The following CFAP61 variants were observed in gnomAD, a reference collection of about 807,000 sequenced individuals.
CFAP61 encodes cilia- and flagella-associated protein 61.
CFAP61 carries 107 observed loss-of-function variants against 135.6 expected under a neutral mutation model. The observed-to-expected ratio is 0.79, with a 90% CI of 0.67 to 0.93. CFAP61 has a LOEUF of 0.93. CFAP61 is among the 40% of genes least tolerant of loss of function. The pLI is 0.00. For synonymous variants in CFAP61, 575 were observed against 578.5 expected (o/e 0.99, Z 0.09); for missense variants, 1,507 against 1,556.2 (o/e 0.97, Z 0.53).
At chr20:20,273,060 T>C (rs967223711) in intron 21 of CFAP61, among the ~76,000 whole-genome samples, 2 of 151,022 alleles carry the variant, frequency 1.3e-5, no homozygotes, top group Admixed American at 6.6e-5. Context: ...TTTTTTTTTT[T>C]TGTAGAGACA....
rs113192167 is a variant in CFAP61 at position 20,263,026 on chromosome 20, G to A, written c.2399G>A (p.Arg800Gln). The A allele has an allele frequency of 4.4e-5, 71 of 1,613,940 alleles. No individual in the cohort carries two copies. The highest frequency in any genetic ancestry group is 1.6e-4 in the African/African-American group (12 of 74,998). The stretch of plus-strand genomic sequence containing the variant: ...AGGGAGGTTCCCAACAGCAGTCAGC[G>A]GCGGTACACGGGGAAAGTTCCTTGC... The part of the protein sequence containing the change: ...TNREVPNSSQ[R>Q]RYTGKVPCNH... The change falls in exon 21 of 27, where the codon CGG (arginine) becomes CAG (glutamine). Residue 800 changes from arginine to glutamine, a missense_variant. Transcript: ENST00000245957.
intron 18 of CFAP61, among the ~76,000 whole-genome samples, chr20:20,238,728 A>G (rs1041684958): frequency 2.0e-5 from 3 of 152,224 alleles, no homozygotes; most frequent in Admixed American, 1.3e-4. Flanking sequence ...TTTGAAGGAT[A>G]AGGATGTTTA....
chr20:20,267,803 C>G (rs890095964), intron 21 of CFAP61: 5 of 152,290 alleles, frequency 3.3e-5, no homozygotes, highest in Non-Finnish European at 7.3e-5. Flanking sequence ...CAAGGCAAGC[C>G]GGCTACTTGA....
chr20:20,099,175 T>C (rs572418926), intron 8 of CFAP61, among the ~76,000 whole-genome samples: 1 of 151,044 alleles, frequency 6.6e-6, no homozygotes, highest in African/African-American at 2.4e-5. Flanking sequence ...AACAAGTGAA[T>C]TTTTCAAATC....
At chr20:20,177,258 C>T (rs2146840913) in intron 13 of CFAP61, among the ~76,000 whole-genome samples, 1 of 152,066 alleles carries the variant, frequency 6.6e-6, no homozygotes, top group African/African-American at 2.4e-5. Context: ...TTTTCTAAAA[C>T]CATTTTTTGC....
chr20:20,183,346 G>C lies in CFAP61; in HGVS notation c.1386-4584G>C, dbSNP rs547712687. 2.0e-5 allele frequency among the ~76,000 whole-genome samples: 3 copies of C among 152,204 alleles called. No homozygotes were observed. The East Asian group carries it at 5.8e-4, about 29-fold the overall frequency. On this transcript the variant is annotated intron_variant, in intron 13 of 26. Transcript: ENST00000245957. ...ACGGCTAATTTTTGTATTTTTAGTA[G>C]AGATGGAGTTTCACCATGTCAGCTG...
intron 26 of CFAP61, among the ~76,000 whole-genome samples, chr20:20,345,140 A>G (rs2058583735): frequency 6.6e-6 from 1 of 152,242 alleles, no homozygotes; most frequent in South Asian, 2.1e-4. Flanking sequence ...GGGATGATTA[A>G]TGGGTACAAA....
intron 10 of CFAP61, among the ~76,000 whole-genome samples, chr20:20,162,063 T>TA (rs2053448443): frequency 6.6e-6 from 1 of 152,140 alleles, no homozygotes; most frequent in African/African-American, 2.4e-5. Context: ...CTGGAGACTC[T>TA]AGGGGAGAAT....
chr20:20,160,962 A>G (rs2053348818), intron 10 of CFAP61, among the ~76,000 whole-genome samples: 1 of 152,150 alleles, frequency 6.6e-6, no homozygotes, highest in South Asian at 2.1e-4. Flanking sequence ...TTGATTCACC[A>G]TAGTCACCCA....
intron 8 of CFAP61, among the ~76,000 whole-genome samples, chr20:20,109,541 GACTT>G (rs1341455975): frequency 1.3e-5 from 2 of 152,098 alleles, no homozygotes; most frequent in Non-Finnish European, 1.5e-5. Flanking sequence ...GATGGCTCCT[GACTT>G]ACTTTGTAGC....
chr20:20,121,456 A>G (rs1453849878), intron 8 of CFAP61, among the ~76,000 whole-genome samples: 4 of 151,618 alleles, frequency 2.6e-5, no homozygotes, highest in African/African-American at 9.7e-5. Context: ...ATTCATTGTT[A>G]TTAATGATAA....
chr20:20,211,260 G>A (rs1013334242), intron 17 of CFAP61, among the ~76,000 whole-genome samples: 1 of 152,228 alleles, frequency 6.6e-6, no homozygotes, highest in Non-Finnish European at 1.5e-5. Context: ...GCTGCCCCAC[G>A]TGGCCTTGGT....
rs528627025 is a variant in CFAP61, at chr20:20,271,974, G to A, written c.2504-5192G>A. ...TATGTGTCTAGAAACTTCAAAAACA[G>A]TGTATGTGATATTCCGGTAATGTGA... On this transcript the variant is annotated intron_variant, in intron 21 of 26. Transcript: ENST00000245957. 3.3e-5 allele frequency among the ~76,000 whole-genome samples: 5 copies of A among 152,286 alleles called. No individual in the cohort carries two copies. The South Asian group carries it at 1.0e-3, about 32-fold the overall frequency.
At position 20,228,461 on chromosome 20, in the gene CFAP61, C is replaced by G. The variant is rs1601513836; in HGVS notation, c.2060+85C>G. 3.4e-6 allele frequency: 4 copies of G among 1,187,236 alleles called. No individual in the cohort carries two copies. The African/African-American group carries it at 4.5e-5, about 13-fold the overall frequency. The allele number at this position is 1,187,236 out of a possible 1,614,324, so 73.5% of individuals were successfully genotyped here. ...ATCTGAAGAGAACACCATCAGAGAA[C>G]AGACCTGAGATTGTTTGGTACTCCA... On this transcript the variant is annotated intron_variant, in intron 18 of 26. Coordinates refer to ENST00000245957, the MANE Select transcript of CFAP61 (RefSeq NM_015585.4).
intron 8 of CFAP61, among the ~76,000 whole-genome samples, chr20:20,115,813 A>G (rs1255674022): frequency 6.6e-6 from 1 of 152,184 alleles, no homozygotes; most frequent in Admixed American, 6.5e-5. Flanking sequence ...GTGTATATAT[A>G]CCACATTTGC....
At chr20:20,339,239 T>G (rs958615275) in intron 25 of CFAP61, among the ~76,000 whole-genome samples, 12 of 152,130 alleles carry the variant, frequency 7.9e-5, no homozygotes, top group Admixed American at 2.6e-4. Context: ...GGGGAAAAAG[T>G]TAATATTTTT....
At chr20:20,103,232 A>T (rs1342805932) in intron 8 of CFAP61, among the ~76,000 whole-genome samples, 4 of 152,202 alleles carry the variant, frequency 2.6e-5, no homozygotes, top group African/African-American at 9.7e-5. Context: ...CTTAAAAAAA[A>T]AGTTTCCCTG....
intron 17 of CFAP61, 112 bp downstream of exon 17, chr20:20,200,014 C>G: frequency 7.9e-7 from 1 of 1,269,794 alleles, no homozygotes; most frequent in Non-Finnish European, 1.1e-6. Flanking sequence ...TTACAGGGAA[C>G]CTGGTGCTCA....
At chr20:20,141,066 G>A (rs1408358270) in intron 8 of CFAP61, among the ~76,000 whole-genome samples, 1 of 151,938 alleles carries the variant, frequency 6.6e-6, no homozygotes, top group Non-Finnish European at 1.5e-5. Flanking sequence ...TTACAGGTGT[G>A]CACCACCATG....
Sources: allele counts gnomAD v4.1 joint callset (sites outside exome capture counted in the v4.1 genomes callset), GRCh38; gene constraint gnomAD v4.1.1; transcripts MANE v1.5; gene names NCBI Gene and HGNC (gene_info 2026-07-23, HGNC 2026-07-21).